OPRD1: variants seen among roughly 807,000 people sequenced by gnomAD.
OPRD1 encodes the protein opioid receptor delta 1.
A neutral mutation model predicts 17.5 loss-of-function variants in OPRD1; 19 were observed. The observed-to-expected ratio is 1.09, with a 90% CI of 0.76 to 1.60. OPRD1 has a LOEUF of 1.60. Among genes scored for constraint, OPRD1 ranks in the 40% most tolerant of loss-of-function variants. The pLI is 0.00. For missense variants in OPRD1, 483 were observed against 547.2 expected (o/e 0.88, Z 1.17); for synonymous variants, 256 against 240.9 (o/e 1.06, Z -0.58).
chr1:28,828,123 A>G (rs1461620442), intron 1 of OPRD1, among the ~76,000 whole-genome samples: 1 of 152,148 alleles, frequency 6.6e-6, no homozygotes, highest in African/African-American at 2.4e-5. Context: ...ACCACTATCT[A>G]TGACAGCTGT....
chr1:28,824,993 G>C (rs1389601363), intron 1 of OPRD1, among the ~76,000 whole-genome samples: 1 of 151,738 alleles, frequency 6.6e-6, no homozygotes, highest in East Asian at 1.9e-4. Context: ...CACCGCGCCC[G>C]GCTAATTTTT....
At chr1:28,858,198 C>G (rs1400317307) in intron 1 of OPRD1, among the ~76,000 whole-genome samples, 1 of 149,498 alleles carries the variant, frequency 6.7e-6, no homozygotes, top group Non-Finnish European at 1.5e-5. Context: ...ACTGCAAGCT[C>G]CGCCTCCCGG....
At chr1:28,825,251 ATG>A in intron 1 of OPRD1, among the ~76,000 whole-genome samples, 1 of 152,190 alleles carries the variant, frequency 6.6e-6, no homozygotes, top group Non-Finnish European at 1.5e-5. Context: ...TTTTGAGTCC[ATG>A]GCCAAGGCTG....
chr1:28,857,420 T>A (rs1569651791), intron 1 of OPRD1, among the ~76,000 whole-genome samples: 1 of 152,194 alleles, frequency 6.6e-6, no homozygotes, highest in Non-Finnish European at 1.5e-5. Flanking sequence ...TTTAAACATA[T>A]TGCTTAGTAC....
At chr1:28,844,152 TA>T (rs2088919896) in intron 1 of OPRD1, among the ~76,000 whole-genome samples, 1 of 141,976 alleles carries the variant, frequency 7.0e-6, no homozygotes. Flanking sequence ...TCCTTGCCAA[TA>T]CTTGATTTCT....
chr1:28,853,783 G>C (rs1299920861), intron 1 of OPRD1, among the ~76,000 whole-genome samples: 1 of 150,128 alleles, frequency 6.7e-6, no homozygotes, highest in Non-Finnish European at 1.5e-5. Flanking sequence ...GTTTCACCTA[G>C]TCGCCCAGGC....
intron 1 of OPRD1, among the ~76,000 whole-genome samples, chr1:28,842,938 G>A (rs2088906571): frequency 6.6e-6 from 1 of 151,194 alleles, no homozygotes. Flanking sequence ...TTGGTGTGAT[G>A]GCACGCACCT....
rs528772054 is a variant in OPRD1 at position 28,844,689 on chromosome 1, A to G, written c.228-14265A>G. Among the ~76,000 whole-genome samples the G allele has an allele frequency of 7.9e-5, 12 of 152,184 alleles. No homozygotes were observed. In the South Asian group the frequency reaches 2.5e-3, roughly 32 times the overall value. ...CCCCTTATCAGATATGTGATTTGCA[A>G]ATCTTTTCTCCCATTCCATGAGTGA... On this transcript the variant is annotated intron_variant, in intron 1 of 2. Coordinates refer to ENST00000234961, the MANE Select transcript of OPRD1 (RefSeq NM_000911.4).
chr1:28,822,489 T>C (rs1420707962), intron 1 of OPRD1, among the ~76,000 whole-genome samples: 3 of 152,016 alleles, frequency 2.0e-5, no homozygotes, highest in African/African-American at 7.2e-5. Context: ...ATTGATTGAC[T>C]GATTGATTTT....
Position 28,812,524 on chromosome 1 carries a change from C to T in OPRD1, c.141C>T (p.Ala47=), listed in dbSNP as rs777009507. The T allele has an allele frequency of 3.2e-6, 5 of 1,581,530 alleles. No homozygotes were observed. The highest frequency in any genetic ancestry group is 4.3e-6 in the Non-Finnish European group (5 of 1,171,470). ...PPGARSASSL[A]LAIAITALYS... Reference sequence around the variant, plus strand: ...GCGCGCGGAGCGCCTCGTCCCTCGCCCTGGCAATCGCCATCACCGCGCTCT... The same window carrying T: ...GCGCGCGGAGCGCCTCGTCCCTCGCTCTGGCAATCGCCATCACCGCGCTCT... The change falls in exon 1 of 3, where the codon GCC becomes GCT. Residue 47 remains alanine, a synonymous_variant. Transcript: ENST00000234961.
chr1:28,855,440 G>A (rs1024516520), intron 1 of OPRD1, among the ~76,000 whole-genome samples: 1 of 152,150 alleles, frequency 6.6e-6, no homozygotes, highest in Non-Finnish European at 1.5e-5. Context: ...AGAACAGAGA[G>A]AATTTTGGGA....
intron 1 of OPRD1, among the ~76,000 whole-genome samples, chr1:28,835,888 C>T (rs942809561): frequency 6.6e-6 from 1 of 152,164 alleles, no homozygotes; most frequent in Non-Finnish European, 1.5e-5. Context: ...CTCTGAGCCT[C>T]AACATTCCCC....
intron 1 of OPRD1, among the ~76,000 whole-genome samples, chr1:28,852,660 G>A (rs934553515): frequency 6.6e-6 from 1 of 152,028 alleles, no homozygotes; most frequent in Non-Finnish European, 1.5e-5. Flanking sequence ...CAGCCTGGAC[G>A]ACATAGCACG....
At chr1:28,826,716 G>A (rs111311102) in intron 1 of OPRD1, among the ~76,000 whole-genome samples, 1 of 152,082 alleles carries the variant, frequency 6.6e-6, no homozygotes, top group Non-Finnish European at 1.5e-5. Flanking sequence ...CTGCTGGTTG[G>A]GGGTAGTGGT....
chr1:28,855,455 G>A (rs1035273515), intron 1 of OPRD1, among the ~76,000 whole-genome samples: 5 of 152,078 alleles, frequency 3.3e-5, no homozygotes, highest in African/African-American at 4.8e-5. Flanking sequence ...TTGGGAAGTC[G>A]CTGGGGGACT....
intron 1 of OPRD1, among the ~76,000 whole-genome samples, chr1:28,813,347 G>T (rs1013159298): frequency 3.9e-5 from 6 of 152,232 alleles, no homozygotes; most frequent in Non-Finnish European, 7.3e-5. Context: ...CCCTTCGCCA[G>T]TGCCCATCTG....
intron 1 of OPRD1, among the ~76,000 whole-genome samples, chr1:28,851,981 C>A (rs1216973328): frequency 6.6e-6 from 1 of 150,600 alleles, no homozygotes; most frequent in East Asian, 1.9e-4. Context: ...TCCTGGCTAA[C>A]ACAGTGAAAC....
chr1:28,830,781 G>C (rs2088802392), intron 1 of OPRD1, among the ~76,000 whole-genome samples: 1 of 152,212 alleles, frequency 6.6e-6, no homozygotes, highest in African/African-American at 2.4e-5. Context: ...AAGAAGAGGA[G>C]ACAAATGAGC....
At chr1:28,856,896 G>C (rs1218223322) in intron 1 of OPRD1, among the ~76,000 whole-genome samples, 3 of 152,176 alleles carry the variant, frequency 2.0e-5, no homozygotes, top group Non-Finnish European at 4.4e-5. Flanking sequence ...CACTGTGGAT[G>C]GGAAGAGGGA....
Sources: allele counts gnomAD v4.1 joint callset (sites outside exome capture counted in the v4.1 genomes callset), GRCh38; gene constraint gnomAD v4.1.1; transcripts MANE v1.5; gene names NCBI Gene and HGNC (gene_info 2026-07-23, HGNC 2026-07-21).